The following GPATCH2 variants were observed in gnomAD, a reference collection of about 807,000 sequenced individuals.
GPATCH2 encodes G-patch domain containing 2, also known as G patch domain-containing protein 2.
GPATCH2 carries 51 observed loss-of-function variants against 58.0 expected under a neutral mutation model. The observed-to-expected ratio is 0.88, with a 90% CI of 0.70 to 1.11. The LOEUF is 1.11. Ranked by LOEUF, GPATCH2 falls within the 50% of genes most tolerant of loss-of-function variation. The probability of loss-of-function intolerance (pLI) is 0.00; values close to 1 mark genes in which losing one functional copy is unlikely to be tolerated. For synonymous variants in GPATCH2, 222 were observed against 218.5 expected, an observed-to-expected ratio of 1.02 and a Z score of -0.14; for missense variants, 625 against 652.2, an observed-to-expected ratio of 0.96 and a Z score of 0.45.
At chr1:217,450,617 T>C (rs1481247255) in intron 8 of GPATCH2, among the ~76,000 whole-genome samples, 1 of 152,126 alleles carries the variant, frequency 6.6e-6, no homozygotes, top group Non-Finnish European at 1.5e-5. Context: ...TTTTACCTTT[T>C]TATTGAGCGC....
intron 6 of GPATCH2, among the ~76,000 whole-genome samples, chr1:217,512,103 C>G (rs2102575792): frequency 1.3e-5 from 2 of 152,190 alleles, no homozygotes; most frequent in East Asian, 1.9e-4. Context: ...GGCAGGATTG[C>G]TTGAACCCAG....
chr1:217,596,959 C>T (rs1667861462), intron 5 of GPATCH2, among the ~76,000 whole-genome samples: 1 of 151,918 alleles, frequency 6.6e-6, no homozygotes, highest in African/African-American at 2.4e-5. Context: ...CTCCCAAAGC[C>T]CAATTAAAAT....
intron 5 of GPATCH2, among the ~76,000 whole-genome samples, chr1:217,520,732 T>C (rs993563643): frequency 6.6e-6 from 1 of 152,202 alleles, no homozygotes; most frequent in African/African-American, 2.4e-5. Flanking sequence ...TGACAAAGAA[T>C]GTGTAATAAT....
At chr1:217,484,705 A>G (rs915634681) in intron 8 of GPATCH2, among the ~76,000 whole-genome samples, 23 of 150,460 alleles carry the variant, frequency 1.5e-4, no homozygotes, top group African/African-American at 5.3e-4. Context: ...ATGTGTATAT[A>G]TGTGTGCATA....
chr1:217,625,551 T>C (rs1326942586), intron 1 of GPATCH2, among the ~76,000 whole-genome samples: 2 of 152,198 alleles, frequency 1.3e-5, no homozygotes, highest in Non-Finnish European at 2.9e-5. Context: ...TTACCAATAA[T>C]TGCTATTCCT....
At chr1:217,609,833 T>C (rs751654939) in intron 5 of GPATCH2, 9 of 1,001,926 alleles carry the variant, frequency 9.0e-6, no homozygotes, top group Non-Finnish European at 9.5e-6. Flanking sequence ...TAAAATTTTC[T>C]AGCTTTGTTA....
intron 5 of GPATCH2, among the ~76,000 whole-genome samples, chr1:217,606,742 A>G (rs571467151): frequency 1.2e-3 from 179 of 152,248 alleles, no homozygotes; most frequent in Admixed American, 3.1e-3. Flanking sequence ...CCCATCTCAA[A>G]AAAAAAGAAA....
intron 6 of GPATCH2, among the ~76,000 whole-genome samples, chr1:217,508,942 A>G (rs1410411707): frequency 6.6e-6 from 1 of 152,216 alleles, no homozygotes; most frequent in Non-Finnish European, 1.5e-5. Context: ...AATAATTACT[A>G]GATGTTATTT....
intron 5 of GPATCH2, chr1:217,608,972 A>T (rs938524442): frequency 1.4e-5 from 14 of 983,596 alleles, no homozygotes; most frequent in Non-Finnish European, 1.7e-5. Flanking sequence ...TAAAAACTTT[A>T]GGTAAAAGCA....
In GPATCH2 at chr1:217,567,871, A is replaced by C. The variant is rs537602019; in HGVS notation, c.1098+42450T>G. 7.8e-3 allele frequency among the ~76,000 whole-genome samples: 1,184 copies of C among 152,242 alleles called. 11 individuals carry two copies. The highest frequency in any genetic ancestry group is 0.026 in the African/African-American group (1,074 of 41,554). On this transcript the variant is annotated intron_variant, in intron 5 of 9. Transcript: ENST00000366935. ...GTGGCTCACGCCTGTAATCCCAGCA[A>C]TTTGGGAGGCCAAGGTGGGCGGATC...
chr1:217,454,663 G>T (rs551223949), intron 8 of GPATCH2, among the ~76,000 whole-genome samples: 1 of 143,564 alleles, frequency 7.0e-6, no homozygotes, highest in Non-Finnish European at 1.5e-5. Context: ...CTGTACCCCA[G>T]TTTGGAGTGC....
At position 217,482,425 on chromosome 1, in the gene GPATCH2, G is replaced by A. The variant is rs116358924; in HGVS notation, c.1277+9255C>T. Among the ~76,000 whole-genome samples, 718 of 152,230 alleles carry A rather than the reference G, an allele frequency of 4.7e-3. 7 individuals are homozygous for A. The highest frequency in any genetic ancestry group is 0.014 in the African/African-American group (585 of 41,552). ...CTGAGCAGAGAATTGAAGGAAATGA[G>A]GAGAAAGCCATATGGGTACTTGTAG... is the stretch of plus-strand genomic sequence containing the variant. On this transcript the variant is annotated intron_variant, in intron 8 of 9. Coordinates refer to ENST00000366935, the MANE Select transcript of GPATCH2 (RefSeq NM_018040.5).
chr1:217,593,655 G>A (rs1044784306), intron 5 of GPATCH2, among the ~76,000 whole-genome samples: 20 of 152,094 alleles, frequency 1.3e-4, no homozygotes, highest in African/African-American at 3.9e-4. Flanking sequence ...TAAATAATGC[G>A]GGATTAGAAA....
intron 8 of GPATCH2, among the ~76,000 whole-genome samples, chr1:217,477,137 G>A (rs977153857): frequency 6.6e-6 from 1 of 152,094 alleles, no homozygotes; most frequent in Non-Finnish European, 1.5e-5. Flanking sequence ...TGGGCCAGAA[G>A]GGAACCCACT....
At chr1:217,456,477 A>G (rs1301806753) in intron 8 of GPATCH2, among the ~76,000 whole-genome samples, 2 of 152,064 alleles carry the variant, frequency 1.3e-5, no homozygotes, top group Admixed American at 6.5e-5. Flanking sequence ...CAAGGGCCTC[A>G]TTTCATTCCT....
At chr1:217,627,804 T>A (rs1025494825) in intron 1 of GPATCH2, among the ~76,000 whole-genome samples, 5 of 152,092 alleles carry the variant, frequency 3.3e-5, no homozygotes, top group African/African-American at 1.2e-4. Context: ...ATGCTTCTGA[T>A]TTTTTTGCTA....
chr1:217,576,476 T>C (rs1316191393), intron 5 of GPATCH2, among the ~76,000 whole-genome samples: 5 of 152,206 alleles, frequency 3.3e-5, no homozygotes, highest in Admixed American at 1.3e-4. Context: ...TATATTACTA[T>C]GCAAATGGGT....
intron 5 of GPATCH2, among the ~76,000 whole-genome samples, chr1:217,548,344 C>A (rs565513002): frequency 6.6e-5 from 10 of 151,910 alleles, no homozygotes; most frequent in African/African-American, 2.2e-4. Flanking sequence ...ATAATCTATA[C>A]GACAATATTC....
chr1:217,488,430 A>C (rs1299370322), intron 8 of GPATCH2, among the ~76,000 whole-genome samples: 1 of 152,094 alleles, frequency 6.6e-6, no homozygotes, highest in African/African-American at 2.4e-5. Context: ...TATACACTGA[A>C]TCTTTTATCC....
Sources: allele counts gnomAD v4.1 joint callset (sites outside exome capture counted in the v4.1 genomes callset), GRCh38; gene constraint gnomAD v4.1.1; transcripts MANE v1.5; gene names NCBI Gene and HGNC (gene_info 2026-07-23, HGNC 2026-07-21).